Variants in WRN observed in about 807,000 individuals in gnomAD.
WRN encodes the protein bifunctional 3'-5' exonuclease/ATP-dependent helicase WRN.
In WRN, 149 loss-of-function variants were observed where a neutral mutation model predicts 180.7. The ratio of observed to expected loss-of-function variants is 0.82; its 90% confidence interval spans 0.72 to 0.94. The LOEUF (loss-of-function observed/expected upper bound fraction) is 0.94, where lower values mean the gene tolerates loss of function less well. WRN is among the 40% of genes least tolerant of loss of function. The pLI is 0.00. For missense variants in WRN, 1,661 were observed against 1,700.1 expected (o/e 0.98, Z 0.40); for synonymous variants, 548 against 568.9 (o/e 0.96, Z 0.52).
intron 28 of WRN, among the ~76,000 whole-genome samples, chr8:31,144,550 G>A (rs986947684): frequency 6.6e-6 from 1 of 151,998 alleles, no homozygotes; most frequent in East Asian, 1.9e-4. Flanking sequence ...TTGGTCAGGT[G>A]GATCTTGAAC....
intron 24 of WRN, among the ~76,000 whole-genome samples, chr8:31,139,782 C>T (rs1181971329): frequency 6.6e-6 from 1 of 152,096 alleles, no homozygotes; most frequent in East Asian, 1.9e-4. Flanking sequence ...TAGCCTTAGC[C>T]TCACTTCCTG....
chr8:31,119,928 AT>A, intron 20 of WRN: 1 of 315,108 alleles, frequency 3.2e-6, no homozygotes, highest in Non-Finnish European at 6.0e-6. Flanking sequence ...TTGAAACTTC[AT>A]TATAATGCAA....
At chr8:31,069,084 C>T (rs1464164153) in intron 7 of WRN, among the ~76,000 whole-genome samples, 7 of 152,186 alleles carry the variant, frequency 4.6e-5, no homozygotes, top group Non-Finnish European at 8.8e-5. Context: ...ACAAACTATT[C>T]GAAGCATCTG....
intron 28 of WRN, among the ~76,000 whole-genome samples, chr8:31,144,321 A>G (rs1055154284): frequency 1.4e-5 from 2 of 140,374 alleles, no homozygotes; most frequent in South Asian, 2.3e-4. Context: ...TAATAACTCT[A>G]TAATAGTCTC....
Position 31,124,622 on chromosome 8 carries a change from C to A in WRN, c.2731C>A (p.Gln911Lys). 1 of 1,604,104 alleles carries A rather than the reference C, an allele frequency of 6.2e-7. No homozygotes were observed. Among genetic ancestry groups the A allele is most frequent in the South Asian group, 1.1e-5 (1 of 90,832 alleles). The change falls in exon 22 of 35, where the codon CAA (glutamine) becomes AAA (lysine). Residue 911 changes from glutamine to lysine, a missense_variant and splice_region_variant. Around this residue, in one of 3 missense-constraint regions of WRN, gnomAD observed 1,141 missense variants for 1,149.4 expected, o/e 0.99. Coordinates refer to ENST00000298139, the MANE Select transcript of WRN (RefSeq NM_000553.6). ...TCTTCATTCTAGCAGATGTAGGAGA[C>A]AGTATGTATTATTTATTTTATGCCA... ...KYLHSSRCRR[Q>K]IILSHFEDKQ...
At chr8:31,170,515 T>C (rs1671443781) in intron 34 of WRN, among the ~76,000 whole-genome samples, 1 of 152,214 alleles carries the variant, frequency 6.6e-6, no homozygotes, top group African/African-American at 2.4e-5. Context: ...TAACTAAATA[T>C]ATGGATTGAT....
chr8:31,131,958 C>CTTTT (rs71208103), intron 23 of WRN, among the ~76,000 whole-genome samples: 1 of 123,106 alleles, frequency 8.1e-6, no homozygotes, highest in Admixed American at 8.5e-5. Flanking sequence ...AGCTGAAAGG[C>CTTTT]TTTTTTTTTT....
intron 8 of WRN, among the ~76,000 whole-genome samples, chr8:31,079,787 A>T (rs532444441): frequency 3.3e-5 from 5 of 152,362 alleles, no homozygotes; most frequent in Admixed American, 1.3e-4. Flanking sequence ...TTTTCAAATT[A>T]GATCACAAAC....
intron 22 of WRN, 90 bp from the exon 23 acceptor site, chr8:31,124,814 CAATT>C: frequency 2.3e-6 from 3 of 1,306,592 alleles, no homozygotes; most frequent in Non-Finnish European, 3.3e-6. Context: ...CCAAGTGAAT[CAATT>C]AATGGTGATT....
At chr8:31,099,783 T>TTG (rs891529514) in intron 17 of WRN, among the ~76,000 whole-genome samples, 13 of 152,102 alleles carry the variant, frequency 8.5e-5, no homozygotes, top group African/African-American at 4.8e-5. Flanking sequence ...AGTAGCATTT[T>TTG]TGTGTGTGTG....
At chr8:31,051,258 G>A (rs1162784779) in intron 1 of WRN, among the ~76,000 whole-genome samples, 1 of 152,020 alleles carries the variant, frequency 6.6e-6, no homozygotes, top group African/African-American at 2.4e-5. Context: ...CTTGAGACTG[G>A]CCTCTTGAGA....
intron 23 of WRN, among the ~76,000 whole-genome samples, chr8:31,129,546 A>G (rs1563368792): frequency 6.6e-6 from 1 of 152,242 alleles, no homozygotes. Context: ...TAAGCAGATA[A>G]ACAACAAAAT....
rs1554522529 is a variant in WRN at position 31,087,839 on chromosome 8, A to G, written c.1495A>G (p.Arg499Gly). Reference sequence around the variant, plus strand: ...TCATTCTAAATGCTTAAAAATGGAAAGAAATCTGGGTCTTCCTACTAAAGA... The same window carrying G: ...TCATTCTAAATGCTTAAAAATGGAAGGAAATCTGGGTCTTCCTACTAAAGA... ...PTHSKCLKMERNLGLPTKEEE... is the reference protein window; with the variant it reads ...PTHSKCLKMEGNLGLPTKEEE... The change falls in exon 12 of 35, where the codon AGA (arginine) becomes GGA (glycine). Residue 499 changes from arginine (R) to glycine (G), a missense_variant. Arg to Gly is a moderately radical substitution (Grantham distance 125). Transcript: ENST00000298139. 5.0e-6 allele frequency: 8 copies of G among 1,613,834 alleles called. No homozygotes were observed. Among genetic ancestry groups the G allele is most frequent in the Non-Finnish European group, 6.8e-6 (8 of 1,179,846 alleles).
At chr8:31,077,460 T>C (rs1813141415) in intron 8 of WRN, among the ~76,000 whole-genome samples, 1 of 152,246 alleles carries the variant, frequency 6.6e-6, no homozygotes, top group Admixed American at 6.5e-5. Flanking sequence ...GCCAGGATCG[T>C]CTCGATCTCC....
At chr8:31,127,468 C>G (rs1032485639) in intron 23 of WRN, among the ~76,000 whole-genome samples, 2 of 151,854 alleles carry the variant, frequency 1.3e-5, no homozygotes, top group African/African-American at 4.8e-5. Context: ...AGCTACGTAC[C>G]TAAGTTCAAT....
At chr8:31,158,253 T>C (rs1204845419) in intron 33 of WRN, among the ~76,000 whole-genome samples, 1 of 152,186 alleles carries the variant, frequency 6.6e-6, no homozygotes, top group African/African-American at 2.4e-5. Flanking sequence ...ATCAACACAG[T>C]CATTGGTATC....
At chr8:31,158,941 A>C (rs564518295) in intron 33 of WRN, among the ~76,000 whole-genome samples, 1 of 152,176 alleles carries the variant, frequency 6.6e-6, no homozygotes, top group African/African-American at 2.4e-5. Context: ...TGTTTGAAAT[A>C]GAAAACCAAA....
At chr8:31,133,618 G>C (rs1349985722) in intron 24 of WRN, among the ~76,000 whole-genome samples, 2 of 152,000 alleles carry the variant, frequency 1.3e-5, no homozygotes, top group East Asian at 3.9e-4. Context: ...TTCATGTACT[G>C]ATGTTTTTAG....
At chr8:31,062,634 A>G (rs1812530500) in intron 3 of WRN, among the ~76,000 whole-genome samples, 1 of 151,706 alleles carries the variant, frequency 6.6e-6, no homozygotes, top group African/African-American at 2.4e-5. Context: ...GGCGGTCTCA[A>G]ATTCCTGGAC....
Sources: allele counts gnomAD v4.1 joint callset (sites outside exome capture counted in the v4.1 genomes callset), GRCh38; gene constraint gnomAD v4.1.1; regional missense constraint gnomAD v4.1.1; transcripts MANE v1.5; gene names NCBI Gene and HGNC (gene_info 2026-07-23, HGNC 2026-07-21).